Variants in ELOVL5 observed in about 807,000 individuals in gnomAD.
ELOVL5 encodes very long chain fatty acid elongase 5.
In ELOVL5, 8 loss-of-function variants were observed where a neutral mutation model predicts 38.6. The ratio of observed to expected loss-of-function variants is 0.21; its 90% CI spans 0.12 to 0.37. The LOEUF is 0.37. ELOVL5 is among the 10% of genes least tolerant of loss of function. The probability of loss-of-function intolerance (pLI) is 1.00; values close to 1 mark genes in which losing one functional copy is unlikely to be tolerated. For synonymous variants in ELOVL5, 127 were observed against 133.7 expected (o/e 0.95, Z 0.34); for missense variants, 280 against 367.8 (o/e 0.76, Z 1.95).
chr6:53,272,648 G>C (rs1765967130), intron 6 of ELOVL5, among the ~76,000 whole-genome samples: 1 of 152,192 alleles, frequency 6.6e-6, no homozygotes, highest in Admixed American at 6.5e-5. Flanking sequence ...ATCAAGGATG[G>C]TGAGAAGTAT....
At chr6:53,274,997 C>A in intron 5 of ELOVL5, 93 bp downstream of exon 5, 1 of 1,243,406 alleles carries the variant, frequency 8.0e-7, no homozygotes, top group Non-Finnish European at 1.1e-6. Context: ...CTGACCTAGA[C>A]ATTTACAGAA....
intron 1 of ELOVL5, among the ~76,000 whole-genome samples, chr6:53,336,175 G>GT (rs1240169673): frequency 6.6e-6 from 1 of 152,238 alleles, no homozygotes; most frequent in African/African-American, 2.4e-5. Flanking sequence ...CTTTTTACTG[G>GT]TAACTGTATT....
At chr6:53,313,420 G>C (rs1402228309) in intron 1 of ELOVL5, among the ~76,000 whole-genome samples, 1 of 152,094 alleles carries the variant, frequency 6.6e-6, no homozygotes, top group Non-Finnish European at 1.5e-5. Context: ...GAGTGCAGTG[G>C]CACAATGATG....
At chr6:53,310,419 C>T (rs947368565) in intron 1 of ELOVL5, among the ~76,000 whole-genome samples, 13 of 133,792 alleles carry the variant, frequency 9.7e-5, no homozygotes, top group African/African-American at 4.0e-4. Flanking sequence ...GGCAACTGTT[C>T]TGTTTTTCTT....
intron 3 of ELOVL5, among the ~76,000 whole-genome samples, chr6:53,289,354 T>G (rs1434353983): frequency 6.6e-6 from 1 of 152,216 alleles, no homozygotes; most frequent in African/African-American, 2.4e-5. Context: ...TCTCCTCAGT[T>G]CGTTCCATTG....
intron 1 of ELOVL5, among the ~76,000 whole-genome samples, chr6:53,343,736 A>T (rs1223027794): frequency 1.3e-5 from 2 of 152,246 alleles, no homozygotes; most frequent in Non-Finnish European, 2.9e-5. Flanking sequence ...GAGGCACCCT[A>T]CTTAAACAAT....
At chr6:53,282,036 C>T (rs1267283384) in intron 3 of ELOVL5, among the ~76,000 whole-genome samples, 2 of 152,208 alleles carry the variant, frequency 1.3e-5, no homozygotes, top group Non-Finnish European at 2.9e-5. Context: ...GCTAGCAGTT[C>T]TCCCTGTTCA....
At chr6:53,270,767 C>T (rs373986125) in intron 6 of ELOVL5, 40 bp from the exon 7 acceptor site, 23 of 1,609,642 alleles carry the variant, frequency 1.4e-5, no homozygotes, top group Non-Finnish European at 1.7e-5. Flanking sequence ...AGGGACAGTG[C>T]ATGGACGAGG....
At chr6:53,309,251 CCT>C (rs1355598733) in intron 1 of ELOVL5, among the ~76,000 whole-genome samples, 2 of 152,138 alleles carry the variant, frequency 1.3e-5, no homozygotes, top group Admixed American at 6.5e-5. Context: ...TTAGTAACTC[CCT>C]GTTTCATCAT....
intron 1 of ELOVL5, among the ~76,000 whole-genome samples, chr6:53,347,242 GA>G (rs10709337): frequency 0.34 from 52,215 of 151,938 alleles, 9,627 homozygotes; most frequent in African/African-American, 0.49. Context: ...AAACAGTACA[GA>G]AAAAGTTCCT....
chr6:53,313,532 A>C (rs1355233394), intron 1 of ELOVL5, among the ~76,000 whole-genome samples: 1 of 149,364 alleles, frequency 6.7e-6, no homozygotes, highest in African/African-American at 2.5e-5. Context: ...CAGCTAATTA[A>C]AAAAAAAAAT....
intron 1 of ELOVL5, among the ~76,000 whole-genome samples, chr6:53,316,883 T>C (rs987099743): frequency 2.0e-5 from 3 of 152,168 alleles, no homozygotes; most frequent in East Asian, 3.9e-4. Flanking sequence ...AAATTGATTA[T>C]AGTCTCGTGT....
At chr6:53,304,216 T>C (rs1035936876) in intron 1 of ELOVL5, among the ~76,000 whole-genome samples, 32 of 152,218 alleles carry the variant, frequency 2.1e-4, no homozygotes, top group African/African-American at 7.7e-4. Context: ...ATGGCACACC[T>C]GACTCCACAA....
At chr6:53,321,322 C>G (rs1006065467) in intron 1 of ELOVL5, among the ~76,000 whole-genome samples, 2 of 152,260 alleles carry the variant, frequency 1.3e-5, no homozygotes, top group Non-Finnish European at 2.9e-5. Flanking sequence ...GCATTTGGAT[C>G]ATTTACCTGC....
intron 1 of ELOVL5, among the ~76,000 whole-genome samples, chr6:53,323,086 G>A (rs921251751): frequency 4.6e-5 from 7 of 152,006 alleles, no homozygotes; most frequent in Admixed American, 4.6e-4. Flanking sequence ...TTGGAAAATG[G>A]GATTCAAACC....
At chr6:53,309,067 T>C (rs1462545254) in intron 1 of ELOVL5, among the ~76,000 whole-genome samples, 1 of 152,010 alleles carries the variant, frequency 6.6e-6, no homozygotes, top group African/African-American at 2.4e-5. Flanking sequence ...ACCGGTAAGC[T>C]CTTTTTTGGG....
At chr6:53,320,060 T>C (rs1194646999) in intron 1 of ELOVL5, among the ~76,000 whole-genome samples, 1 of 152,122 alleles carries the variant, frequency 6.6e-6, no homozygotes, top group African/African-American at 2.4e-5. Context: ...ATGCCTGTAA[T>C]CCCACCACTT....
intron 1 of ELOVL5, among the ~76,000 whole-genome samples, chr6:53,299,409 T>C (rs996049615): frequency 6.6e-6 from 1 of 152,090 alleles, no homozygotes. Context: ...AAATACAGAT[T>C]GGTGGGGCAG....
intron 1 of ELOVL5, among the ~76,000 whole-genome samples, chr6:53,344,830 C>A (rs776992436): frequency 1.3e-5 from 2 of 152,218 alleles, no homozygotes; most frequent in African/African-American, 4.8e-5. Flanking sequence ...CGCTTACTCT[C>A]CAAACTCCCT....
Sources: allele counts gnomAD v4.1 joint callset (sites outside exome capture counted in the v4.1 genomes callset), GRCh38; gene constraint gnomAD v4.1.1; transcripts MANE v1.5; gene names NCBI Gene and HGNC (gene_info 2026-07-23, HGNC 2026-07-21).